RARB: variants seen among roughly 807,000 people sequenced by gnomAD.
RARB encodes retinoic acid receptor beta.
Under a neutral mutation model 51.9 loss-of-function variants are expected in RARB, and 17 were observed. That is an observed-to-expected ratio of 0.33 (90% CI 0.22 to 0.49). The LOEUF (loss-of-function observed/expected upper bound fraction) is 0.49. RARB is among the 20% of genes least tolerant of loss of function. RARB has a pLI of 0.99. For missense variants in RARB, 369 were observed against 550.8 expected, an observed-to-expected ratio of 0.67 and a Z score of 3.30; for synonymous variants, 215 against 195.4, an observed-to-expected ratio of 1.10 and a Z score of -0.84.
chr3:24,970,019 G>T (rs6550929), intron 2 of RARB, among the ~76,000 whole-genome samples: 132,403 of 152,010 alleles, frequency 0.87, 57,745 homozygotes, highest in South Asian at 0.93. Context: ...GTCAACAAAC[G>T]TTATATAAAG....
intron 5 of RARB, among the ~76,000 whole-genome samples, chr3:25,286,128 A>T (rs180974017): frequency 3.2e-5 from 4 of 126,062 alleles, no homozygotes; most frequent in Non-Finnish European, 6.3e-5. Flanking sequence ...AGTCTCTGTC[A>T]CCAAGGCTGG....
intron 4 of RARB, among the ~76,000 whole-genome samples, chr3:25,159,250 A>C (rs1450985791): frequency 2.6e-5 from 3 of 115,404 alleles, no homozygotes; most frequent in East Asian, 2.8e-4. Flanking sequence ...CACAACCTCC[A>C]CCTCCCCCTC....
chr3:25,129,085 A>T (rs1461011377), intron 3 of RARB, among the ~76,000 whole-genome samples: 2 of 152,092 alleles, frequency 1.3e-5, no homozygotes, highest in Non-Finnish European at 2.9e-5. Context: ...TTCAGTAAAT[A>T]AGAATTTTAT....
intron 4 of RARB, among the ~76,000 whole-genome samples, chr3:25,138,581 A>T (rs1485628441): frequency 6.6e-6 from 1 of 152,134 alleles, no homozygotes; most frequent in East Asian, 1.9e-4. Flanking sequence ...ATGGACATTT[A>T]AAAACATTAG....
At chr3:24,871,931 C>T (rs1210843242) in intron 2 of RARB, among the ~76,000 whole-genome samples, 3 of 152,110 alleles carry the variant, frequency 2.0e-5, no homozygotes, top group African/African-American at 7.2e-5. Context: ...CCCATCTCAC[C>T]ACTTCCCCTA....
intron 5 of RARB, among the ~76,000 whole-genome samples, chr3:25,350,541 C>A (rs1441042629): frequency 6.6e-6 from 1 of 152,102 alleles, no homozygotes; most frequent in Admixed American, 6.6e-5. Context: ...CTCCTTTTTT[C>A]TTCATAGCAC....
chr3:24,863,612 C>T (rs371206655), intron 2 of RARB, among the ~76,000 whole-genome samples: 23 of 151,866 alleles, frequency 1.5e-4, no homozygotes, highest in East Asian at 3.9e-4. Flanking sequence ...ATTTCTTGTA[C>T]GCCTGGCCTG....
At chr3:25,208,051 C>T (rs1701597752) in intron 5 of RARB, among the ~76,000 whole-genome samples, 1 of 152,012 alleles carries the variant, frequency 6.6e-6, no homozygotes, top group Non-Finnish European at 1.5e-5. Context: ...GAATGCTACG[C>T]ACCGTTAAGC....
chr3:25,045,668 A>T (rs1698200791), intron 2 of RARB, among the ~76,000 whole-genome samples: 1 of 152,186 alleles, frequency 6.6e-6, no homozygotes, highest in African/African-American at 2.4e-5. Context: ...TGAACCTTTT[A>T]AAAAATGTAA....
intron 5 of RARB, among the ~76,000 whole-genome samples, chr3:25,363,426 C>T (rs1276910645): frequency 5.3e-5 from 8 of 152,164 alleles, no homozygotes; most frequent in African/African-American, 1.7e-4. Flanking sequence ...AGCCTTGCTC[C>T]TGAAAACCTT....
chr3:24,861,657 T>A (rs373028179), intron 2 of RARB, among the ~76,000 whole-genome samples: 1 of 151,574 alleles, frequency 6.6e-6, no homozygotes, highest in African/African-American at 2.4e-5. Flanking sequence ...CGTGGAAGAT[T>A]TCCCCCACAG....
At chr3:25,000,373 C>G (rs771886346) in intron 2 of RARB, among the ~76,000 whole-genome samples, 1 of 152,118 alleles carries the variant, frequency 6.6e-6, no homozygotes, top group Non-Finnish European at 1.5e-5. Context: ...CAGACACTTG[C>G]ATGTACTAAA....
chr3:25,306,378 C>T (rs1704151871), intron 5 of RARB, among the ~76,000 whole-genome samples: 1 of 152,080 alleles, frequency 6.6e-6, no homozygotes, highest in African/African-American at 2.4e-5. Flanking sequence ...AAAAGCACTC[C>T]AGTTTCAAAA....
chr3:25,187,062 G>C (rs1700995943), intron 5 of RARB, among the ~76,000 whole-genome samples: 1 of 151,958 alleles, frequency 6.6e-6, no homozygotes, highest in Non-Finnish European at 1.5e-5. Flanking sequence ...TTAGATTCTT[G>C]TCTGTGTCCA....
chr3:25,473,921 G>GAAA (rs533183147), intron 2 of RARB, among the ~76,000 whole-genome samples: 1 of 108,322 alleles, frequency 9.2e-6, no homozygotes, highest in Non-Finnish European at 1.7e-5. Context: ...TGTCTGGCAG[G>GAAA]AAAAAAAAAA....
chr3:24,958,263 T>G lies in RARB; in HGVS notation c.-380+99511T>G, dbSNP rs905516303. Among the ~76,000 whole-genome samples the G allele has an allele frequency of 3.5e-3, 411 of 118,470 alleles. 9 individuals are homozygous for G. Among genetic ancestry groups the G allele is most frequent in the East Asian group, 0.012 (42 of 3,454 alleles). The allele number at this position is 118,470 out of a possible 152,430, so 77.7% of individuals were successfully genotyped here. On this transcript the variant is annotated intron_variant, in intron 2 of 11. Coordinates refer to the RARB transcript ENST00000383772. The stretch of plus-strand genomic sequence containing the variant: ...CTTCCTGAGCTGCTCAGGTTTTTTT[T>G]TTTTTTTTTTTTTTTTTTTTTTTTT...
chr3:24,906,061 C>T (rs1238716199), intron 2 of RARB, among the ~76,000 whole-genome samples: 1 of 152,082 alleles, frequency 6.6e-6, no homozygotes, highest in East Asian at 1.9e-4. Flanking sequence ...TCAGAAAATA[C>T]AGTACTAACA....
chr3:25,272,632 T>A (rs542833985), intron 5 of RARB, among the ~76,000 whole-genome samples: 1 of 152,376 alleles, frequency 6.6e-6, no homozygotes, highest in Non-Finnish European at 1.5e-5. Context: ...CTCTGGTGTG[T>A]GGCCAGAGCA....
chr3:25,513,115 TAAAAAAA>T (rs11420573), intron 3 of RARB, among the ~76,000 whole-genome samples: 6 of 98,506 alleles, frequency 6.1e-5, no homozygotes, highest in Admixed American at 3.2e-4. Context: ...CTGTCTTTAC[TAAAAAAA>T]AAAAAAAAAA....
Sources: gnomAD v4.1 joint callset for allele counts (sites outside exome capture counted in the v4.1 genomes callset) on GRCh38, gnomAD v4.1.1 for gene constraint, MANE v1.5 for transcripts, NCBI Gene and HGNC (gene_info 2026-07-23, HGNC 2026-07-21) for gene names.